KAZN: variants seen among roughly 807,000 people sequenced by gnomAD.
The protein encoded by KAZN is kazrin, periplakin interacting protein, also known as kazrin.
In KAZN, 40 loss-of-function variants were observed where a neutral mutation model predicts 87.4. That is an observed-to-expected ratio of 0.46 (90% CI 0.36 to 0.60). The LOEUF is 0.60. Among genes scored for constraint, KAZN ranks in the 20% least tolerant of loss-of-function variants. The pLI is 0.00. For synonymous variants in KAZN, 466 were observed against 458.3 expected (o/e 1.02, Z -0.22); for missense variants, 898 against 1,073.9 (o/e 0.84, Z 2.29).
intron 2 of KAZN, among the ~76,000 whole-genome samples, chr1:14,270,868 C>A (rs1237184473): frequency 6.6e-6 from 1 of 152,118 alleles, no homozygotes; most frequent in African/African-American, 2.4e-5. Flanking sequence ...CCCCTTCCAT[C>A]CTCACTTGAA....
At chr1:14,978,270 T>A (rs529637025) in intron 2 of KAZN, among the ~76,000 whole-genome samples, 1 of 152,302 alleles carries the variant, frequency 6.6e-6, no homozygotes, top group East Asian at 1.9e-4. Context: ...CCCAGCCTTT[T>A]CGAGCTGCCA....
At chr1:15,061,024 T>C (rs1171627079) in intron 6 of KAZN, 1 of 152,268 alleles carries the variant, frequency 6.6e-6, no homozygotes, top group Non-Finnish European at 1.5e-5. Context: ...CCCTCTGCCA[T>C]ATCCTGAAGA....
At chr1:14,278,842 A>C (rs1021285968) in intron 2 of KAZN, among the ~76,000 whole-genome samples, 4 of 150,326 alleles carry the variant, frequency 2.7e-5, no homozygotes, top group Non-Finnish European at 4.4e-5. Flanking sequence ...TAGTCTGTGC[A>C]TGTTGTCAGT....
At chr1:14,144,522 C>T (rs772780016) in intron 1 of KAZN, among the ~76,000 whole-genome samples, 1 of 152,066 alleles carries the variant, frequency 6.6e-6, no homozygotes, top group Non-Finnish European at 1.5e-5. Flanking sequence ...CTCCTGGGCT[C>T]AAGTGATCCT....
intron 2 of KAZN, among the ~76,000 whole-genome samples, chr1:14,506,647 A>G (rs935469281): frequency 3.2e-4 from 49 of 152,340 alleles, no homozygotes; most frequent in African/African-American, 1.2e-3. Flanking sequence ...AAGCCCACAT[A>G]AAGCATGGTA....
intron 2 of KAZN, among the ~76,000 whole-genome samples, chr1:14,354,087 G>A (rs1375979800): frequency 6.6e-6 from 1 of 152,088 alleles, no homozygotes; most frequent in African/African-American, 2.4e-5. Context: ...AGAAATAGAT[G>A]GACACATATA....
In KAZN at chr1:14,184,782, T is replaced by G. The variant is rs1371217328; in HGVS notation, c.249+4190T>G. Reference sequence around the variant, plus strand: ...GGACCAGAGGAAACCTTGGCTCAGGTTCCTGGCAGATAGGGAGGGTTAGCG... The same window carrying G: ...GGACCAGAGGAAACCTTGGCTCAGGGTCCTGGCAGATAGGGAGGGTTAGCG... On this transcript the variant is annotated intron_variant, in intron 2 of 16. Coordinates refer to the KAZN transcript ENST00000636203. This position sits in a 1 kb window ranked among gnomAD's most constrained non-coding sequence, Gnocchi z 4.2. 6.6e-6 allele frequency among the ~76,000 whole-genome samples: 1 copy of G among 152,130 alleles called. No homozygotes were observed. Among genetic ancestry groups the G allele is most frequent in the East Asian group, 1.9e-4 (1 of 5,188 alleles).
intron 2 of KAZN, among the ~76,000 whole-genome samples, chr1:14,334,583 G>A (rs1350036124): frequency 6.6e-6 from 1 of 151,650 alleles, no homozygotes; most frequent in Non-Finnish European, 1.5e-5. Context: ...TGTGGCCATC[G>A]TAAGGACTTT....
intron 1 of KAZN, among the ~76,000 whole-genome samples, chr1:13,964,029 A>G (rs1175755123): frequency 6.6e-6 from 1 of 152,192 alleles, no homozygotes; most frequent in African/African-American, 2.4e-5. Context: ...AGCTTGGCAC[A>G]ATGTCTCCCA....
At chr1:14,443,455 G>A (rs1272542637) in intron 2 of KAZN, among the ~76,000 whole-genome samples, 1 of 152,186 alleles carries the variant, frequency 6.6e-6, no homozygotes, top group Non-Finnish European at 1.5e-5. Context: ...AATAAATCAA[G>A]AGCAGCCCAC....
intron 2 of KAZN, among the ~76,000 whole-genome samples, chr1:14,993,349 A>G (rs1667540945): frequency 6.6e-6 from 1 of 151,690 alleles, no homozygotes; most frequent in Non-Finnish European, 1.5e-5. Context: ...GGAGCCTGTA[A>G]TCCCAGCTAC....
intron 2 of KAZN, among the ~76,000 whole-genome samples, chr1:14,413,123 G>A (rs1403479256): frequency 6.7e-6 from 1 of 150,142 alleles, no homozygotes; most frequent in Non-Finnish European, 1.5e-5. Context: ...CTTAATCTAT[G>A]ATAGTAGATT....
intron 2 of KAZN, among the ~76,000 whole-genome samples, chr1:14,206,933 C>G (rs1482089755): frequency 1.3e-5 from 2 of 150,922 alleles, no homozygotes; most frequent in African/African-American, 4.9e-5. Context: ...CTGTGCATTT[C>G]TACATCCTTT....
intron 1 of KAZN, among the ~76,000 whole-genome samples, chr1:13,908,492 C>A (rs1639528278): frequency 6.6e-6 from 1 of 152,178 alleles, no homozygotes; most frequent in African/African-American, 2.4e-5. Context: ...ATTAAAAATC[C>A]AGTTTGTCAG....
chr1:14,082,960 C>G (rs183182012), intron 1 of KAZN, among the ~76,000 whole-genome samples: 248 of 152,336 alleles, frequency 1.6e-3, no homozygotes, highest in African/African-American at 5.7e-3. Flanking sequence ...CTTTGGGAGG[C>G]CGAGGCGGGT....
intron 2 of KAZN, among the ~76,000 whole-genome samples, chr1:14,483,766 G>T (rs2486761): frequency 0.43 from 66,055 of 151,928 alleles, 14,752 homozygotes; most frequent in East Asian, 0.6. Context: ...GACTTTTTAG[G>T]TTAATCCTAT....
intron 1 of KAZN, among the ~76,000 whole-genome samples, chr1:14,095,423 AC>A (rs1259757971): frequency 6.6e-6 from 1 of 152,202 alleles, no homozygotes; most frequent in Non-Finnish European, 1.5e-5. Flanking sequence ...TATATAACAA[AC>A]CATCTACTAC....
chr1:14,962,294 T>G (rs1012798763), intron 2 of KAZN, among the ~76,000 whole-genome samples: 18 of 152,328 alleles, frequency 1.2e-4, no homozygotes, highest in Admixed American at 3.9e-4. Flanking sequence ...CATGTTGCTT[T>G]CCAAGGCAGG....
intron 1 of KAZN, among the ~76,000 whole-genome samples, chr1:14,654,202 G>A (rs35204966): frequency 0.038 from 5,625 of 149,484 alleles, 139 homozygotes; most frequent in Non-Finnish European, 0.058. Flanking sequence ...CAGAAAAATC[G>A]CTTGAATCCA....
Sources: allele counts gnomAD v4.1 joint callset (sites outside exome capture counted in the v4.1 genomes callset), GRCh38; gene constraint gnomAD v4.1.1; non-coding constraint Gnocchi (gnomAD v3.1); transcripts MANE v1.5; gene names NCBI Gene and HGNC (gene_info 2026-07-23, HGNC 2026-07-21).